The following IGF1 variants were observed in gnomAD, a reference collection of about 807,000 sequenced individuals.
IGF1 encodes insulin like growth factor 1.
In IGF1, 4 loss-of-function variants were observed where a neutral mutation model predicts 13.8. The ratio of observed to expected loss-of-function variants is 0.29; its 90% CI spans 0.14 to 0.66. The LOEUF (loss-of-function observed/expected upper bound fraction) is 0.66. IGF1 is among the 30% of genes least tolerant of loss of function. IGF1 has a pLI of 0.78. For missense variants in IGF1, 124 were observed against 188.5 expected, an observed-to-expected ratio of 0.66 and a Z score of 2.00; for synonymous variants, 76 against 72.6, an observed-to-expected ratio of 1.05 and a Z score of -0.23.
intron 2 of IGF1, among the ~76,000 whole-genome samples, chr12:102,455,160 G>T (rs1879283704): frequency 6.6e-6 from 1 of 152,222 alleles, no homozygotes; most frequent in South Asian, 2.1e-4. Context: ...AGAACTAAGG[G>T]TTCAGGTTTC....
chr12:102,444,313 T>A (rs1265986895), intron 2 of IGF1, among the ~76,000 whole-genome samples: 1 of 151,902 alleles, frequency 6.6e-6, no homozygotes, highest in Non-Finnish European at 1.5e-5. Flanking sequence ...GTACCCCATA[T>A]CTGTAATTAC....
chr12:102,439,563 G>A (rs541723057), intron 2 of IGF1, among the ~76,000 whole-genome samples: 1 of 152,184 alleles, frequency 6.6e-6, no homozygotes, highest in African/African-American at 2.4e-5. Flanking sequence ...AATATGAGGC[G>A]GGTGTATGTA....
At position 102,434,082 on chromosome 12, in the gene IGF1, A is replaced by C. The variant is rs1326113413; in HGVS notation, c.221-14392T>G. ...CATTTCTTTTTTTACTTGAAAAACAAATTTTTTGATTTCACTTGTTTCATC... is the reference window on the plus strand; with the variant it reads ...CATTTCTTTTTTTACTTGAAAAACACATTTTTTGATTTCACTTGTTTCATC... On this transcript the variant is annotated intron_variant, in intron 2 of 3. Coordinates refer to ENST00000337514, the MANE Select transcript of IGF1 (RefSeq NM_000618.5). 3.9e-5 allele frequency among the ~76,000 whole-genome samples: 6 copies of C among 151,972 alleles called. No homozygotes were observed. In the South Asian group the frequency reaches 1.2e-3, roughly 31 times the overall value.
At chr12:102,427,388 C>T (rs530706592) in intron 2 of IGF1, among the ~76,000 whole-genome samples, 3 of 152,248 alleles carry the variant, frequency 2.0e-5, no homozygotes, top group Non-Finnish European at 2.9e-5. Flanking sequence ...GAGGGTAACG[C>T]CCTCTTTCTG....
In IGF1 at chr12:102,399,107, ATG is replaced by A. The variant is rs3032446; in HGVS notation, c.*3398_*3399del. ...GTATTCCATTGGATCCTTAGGGTGAATGTGTGTGTGTGTGTGTGTGTGTGTGT... is the reference window on the plus strand; with the variant it reads ...GTATTCCATTGGATCCTTAGGGTGAATGTGTGTGTGTGTGTGTGTGTGTGT... On this transcript the variant is annotated 3_prime_UTR_variant, in exon 4 of 4. Transcript: ENST00000337514. The A allele has an allele frequency of 0.028, 3,884 of 137,566 alleles. 66 individuals carry two copies. Among genetic ancestry groups the A allele is most frequent in the African/African-American group, 0.062 (2,280 of 36,970 alleles). 8.5% of individuals were successfully genotyped at this position (137,566 alleles called of 1,614,324 possible).
chr12:102,474,119 T>C (rs1880863105), intron 2 of IGF1, among the ~76,000 whole-genome samples: 1 of 152,228 alleles, frequency 6.6e-6, no homozygotes, highest in Admixed American at 6.5e-5. Flanking sequence ...TGAGGATCAG[T>C]AGCTGCAAAT....
chr12:102,411,400 AGCACATATTTTCACAGATG>A (rs1397655138), intron 3 of IGF1, among the ~76,000 whole-genome samples: 10 of 152,212 alleles, frequency 6.6e-5, no homozygotes, highest in African/African-American at 2.4e-4. Flanking sequence ...CCGTGAAAAT[AGCACATATTTTCACAGATG>A]GCAGGGCTAG....
chr12:102,453,039 G>A (rs1879098246), intron 2 of IGF1, among the ~76,000 whole-genome samples: 1 of 152,192 alleles, frequency 6.6e-6, no homozygotes. Context: ...TGGGGGTCGA[G>A]AAGCTGAGAA....
intron 2 of IGF1, among the ~76,000 whole-genome samples, chr12:102,452,077 A>G (rs1460047997): frequency 6.6e-6 from 1 of 151,970 alleles, no homozygotes; most frequent in Non-Finnish European, 1.5e-5. Flanking sequence ...CCTGGCTAAC[A>G]CGGTGAAACC....
intron 2 of IGF1, chr12:102,423,130 T>G (rs576859992): frequency 6.6e-6 from 1 of 152,252 alleles, no homozygotes; most frequent in South Asian, 2.1e-4. Context: ...ATATTCAGTA[T>G]GGTTGGAAAC....
chr12:102,404,002 A>G (rs1873916424), intron 3 of IGF1, among the ~76,000 whole-genome samples: 1 of 152,200 alleles, frequency 6.6e-6, no homozygotes, highest in Admixed American at 6.5e-5. Flanking sequence ...TTATCCTTGA[A>G]TGTATTTAAA....
intron 2 of IGF1, among the ~76,000 whole-genome samples, chr12:102,430,146 T>C (rs895132081): frequency 6.6e-6 from 1 of 152,164 alleles, no homozygotes; most frequent in Non-Finnish European, 1.5e-5. Context: ...TGCCAATACT[T>C]AGGCATAAGT....
At chr12:102,429,135 C>G (rs1233428792) in intron 2 of IGF1, among the ~76,000 whole-genome samples, 1 of 151,844 alleles carries the variant, frequency 6.6e-6, no homozygotes, top group Non-Finnish European at 1.5e-5. Flanking sequence ...TTCAAAATAC[C>G]AAGCAAGTAT....
At chr12:102,452,462 G>A (rs945580523) in intron 2 of IGF1, among the ~76,000 whole-genome samples, 1 of 152,006 alleles carries the variant, frequency 6.6e-6, no homozygotes, top group East Asian at 1.9e-4. Context: ...CTGTTATAGA[G>A]CCTGTCATAA....
chr12:102,418,639 C>G (rs551663644), intron 3 of IGF1, among the ~76,000 whole-genome samples: 2 of 152,316 alleles, frequency 1.3e-5, no homozygotes, highest in East Asian at 3.9e-4. Flanking sequence ...TCTCTTTTTC[C>G]TCCTTTACCT....
chr12:102,437,728 CAA>C (rs1170695710), intron 2 of IGF1, among the ~76,000 whole-genome samples: 6 of 152,058 alleles, frequency 3.9e-5, no homozygotes, highest in Non-Finnish European at 1.5e-5. Context: ...CTCTGGTTAA[CAA>C]TATCGTATTG....
chr12:102,421,708 C>G (rs1020133193), intron 2 of IGF1, among the ~76,000 whole-genome samples: 1 of 152,134 alleles, frequency 6.6e-6, no homozygotes, highest in Non-Finnish European at 1.5e-5. Context: ...CAGAAACTTT[C>G]AAAGTTAGCC....
At chr12:102,445,556 A>C (rs1330184764) in intron 2 of IGF1, among the ~76,000 whole-genome samples, 1 of 152,144 alleles carries the variant, frequency 6.6e-6, no homozygotes, top group Non-Finnish European at 1.5e-5. Flanking sequence ...TTGGTGTATA[A>C]GAATGCTTGT....
intron 2 of IGF1, among the ~76,000 whole-genome samples, chr12:102,465,454 G>T (rs1880230780): frequency 6.6e-6 from 1 of 152,214 alleles, no homozygotes; most frequent in African/African-American, 2.4e-5. Flanking sequence ...GGGGAGCTGG[G>T]TCAGGCCCAA....
Sources: gnomAD v4.1 joint callset for allele counts (sites outside exome capture counted in the v4.1 genomes callset) on GRCh38, gnomAD v4.1.1 for gene constraint, MANE v1.5 for transcripts, NCBI Gene and HGNC (gene_info 2026-07-23, HGNC 2026-07-21) for gene names.